Variants in MYO18B observed in about 807,000 individuals in gnomAD.
The protein encoded by MYO18B is unconventional myosin-XVIIIb.
A neutral mutation model predicts 273.0 loss-of-function variants in MYO18B; 204 were observed. That is an observed-to-expected ratio of 0.75 (90% CI 0.67 to 0.84). The LOEUF is 0.84. Among genes scored for constraint, MYO18B ranks in the 40% least tolerant of loss-of-function variants. The pLI is 0.00. For synonymous variants in MYO18B, 1,330 were observed against 1,305.7 expected (o/e 1.02, Z -0.40); for missense variants, 3,212 against 3,287.6 (o/e 0.98, Z 0.56).
chr22:26,022,061 G>A (rs1202837204), intron 42 of MYO18B, among the ~76,000 whole-genome samples: 1 of 152,060 alleles, frequency 6.6e-6, no homozygotes, highest in East Asian at 1.9e-4. Context: ...AGTCTCCAAG[G>A]CTTTTCTGGA....
intron 12 of MYO18B, among the ~76,000 whole-genome samples, chr22:25,804,082 C>T (rs982671339): frequency 1.3e-5 from 2 of 152,038 alleles, no homozygotes; most frequent in Admixed American, 1.3e-4. Context: ...AACAAAAACA[C>T]GCCAACACTG....
intron 12 of MYO18B, among the ~76,000 whole-genome samples, chr22:25,798,581 T>A (rs1569035290): frequency 6.6e-6 from 1 of 151,950 alleles, no homozygotes; most frequent in African/African-American, 2.4e-5. Flanking sequence ...AAATTTTCAT[T>A]GAGATAGGGT....
At chr22:26,043,762 C>G in the MYO18B span, among the ~76,000 whole-genome samples, 1 of 152,040 alleles carries the variant, frequency 6.6e-6, no homozygotes, top group Non-Finnish European at 1.5e-5. Flanking sequence ...GATCCACCTG[C>G]CTCGTTGGCC....
chr22:25,925,762 C>G (rs959186788), intron 34 of MYO18B, among the ~76,000 whole-genome samples: 7 of 151,030 alleles, frequency 4.6e-5, no homozygotes, highest in Non-Finnish European at 8.9e-5. Context: ...AAAATTAGCC[C>G]GGTGTGGTGG....
intron 36 of MYO18B, 138 bp from the exon 37 acceptor site, chr22:25,950,229 G>A (rs1352755838): frequency 4.5e-6 from 3 of 664,466 alleles, no homozygotes; most frequent in Non-Finnish European, 7.6e-6. Context: ...TAATTTTTGG[G>A]AAACAGCTAT....
rs1601679594 is a variant in MYO18B, at chr22:25,955,311, A to G, written c.6103A>G (p.Met2035Val). 2 of 1,613,722 alleles carry G rather than the reference A, an allele frequency of 1.2e-6. No homozygotes were observed. Among genetic ancestry groups the G allele is most frequent in the Middle Eastern group, 1.6e-4 (1 of 6,062 alleles). Residue 2035 changes from methionine to valine, a missense_variant, in exon 39 of 44, where the codon ATG becomes GTG. Met to Val is a conservative substitution (Grantham distance 21). Coordinates refer to ENST00000335473, the MANE Select transcript of MYO18B (RefSeq NM_032608.7). Reference protein sequence around the residue: ...QRRLEELKADMEELVQREAEA... With the variant: ...QRRLEELKADVEELVQREAEA... ...GCGCCTGGAAGAGCTGAAGGCCGAC[A>G]TGGAAGAGCTGGTGCAGCGGGAGGC...
At chr22:25,776,885 T>C (rs1303967225) in intron 7 of MYO18B, among the ~76,000 whole-genome samples, 2 of 144,850 alleles carry the variant, frequency 1.4e-5, no homozygotes, top group Non-Finnish European at 3.1e-5. Context: ...AGCATTCCCA[T>C]TGGCATTGTA....
At chr22:26,050,297 C>T in the MYO18B span, among the ~76,000 whole-genome samples, 5 of 152,156 alleles carry the variant, frequency 3.3e-5, no homozygotes, top group African/African-American at 4.8e-5. Context: ...GTATGTCGTG[C>T]AGGGTTCAGT....
At chr22:25,968,899 G>A (rs1168689415) in intron 39 of MYO18B, among the ~76,000 whole-genome samples, 1 of 152,184 alleles carries the variant, frequency 6.6e-6, no homozygotes, top group Non-Finnish European at 1.5e-5. Flanking sequence ...TGTCTCAAAT[G>A]GCTGATAGTC....
intron 42 of MYO18B, among the ~76,000 whole-genome samples, chr22:26,022,654 C>T (rs536399141): frequency 4.6e-5 from 7 of 152,310 alleles, no homozygotes; most frequent in South Asian, 2.1e-4. Flanking sequence ...GTCTACACTA[C>T]GTGGCTTGTA....
In MYO18B at chr22:25,780,195, C is replaced by A; in HGVS notation, c.2208C>A (p.Leu736=). 2 of 1,602,748 alleles carry A rather than the reference C, an allele frequency of 1.2e-6. No individual in the cohort carries two copies. Among genetic ancestry groups the A allele is most frequent in the East Asian group, 4.5e-5 (2 of 44,580 alleles). ...CAGGCCGCATCACAGCTGCTCAGCT[C>A]CAGGTGAGGCCTCTCGGGGGATGTG... is the stretch of plus-strand genomic sequence containing the variant. ...NATGRITAAQ[L]QTMLLEKSRV... The change falls in exon 9 of 44, where the codon CTC becomes CTA. Residue 736 remains leucine, a synonymous_variant. Transcript: ENST00000335473.
Position 25,952,426 on chromosome 22 carries a change from A to G in MYO18B, c.5970+3A>G, listed in dbSNP as rs944680398. The G allele has an allele frequency of 1.2e-6, 2 of 1,613,004 alleles. No homozygotes were observed. Among genetic ancestry groups the G allele is most frequent in the African/African-American group, 1.3e-5 (1 of 75,054 alleles). On this transcript the variant is annotated splice_donor_region_variant and intron_variant, in intron 38 of 43. Transcript: ENST00000335473. ...AGGTGCAGATTAAGAGATTTGAGGT[A>G]CGTAGTGATTCATAAATAGTGCCTG... is the stretch of plus-strand genomic sequence containing the variant.
At chr22:25,788,910 T>C (rs2087515719) in intron 11 of MYO18B, among the ~76,000 whole-genome samples, 1 of 152,148 alleles carries the variant, frequency 6.6e-6, no homozygotes, top group Non-Finnish European at 1.5e-5. Context: ...TGGGCCTCGA[T>C]TTTTTCCTTT....
At chr22:26,062,688 G>A in the MYO18B span, among the ~76,000 whole-genome samples, 1 of 152,070 alleles carries the variant, frequency 6.6e-6, no homozygotes. Context: ...AATATGCCTG[G>A]CTAATAGATG....
chr22:25,899,647 T>C (rs1426077263), intron 29 of MYO18B: 1 of 152,226 alleles, frequency 6.6e-6, no homozygotes, highest in Non-Finnish European at 1.5e-5. Flanking sequence ...AAAGATTTAT[T>C]TTTTGTTTAT....
intron 34 of MYO18B, among the ~76,000 whole-genome samples, chr22:25,935,843 C>G (rs1336548687): frequency 2.6e-5 from 4 of 152,186 alleles, no homozygotes; most frequent in African/African-American, 9.6e-5. Flanking sequence ...GGTTAGAGAC[C>G]TATGCATGGA....
chr22:25,808,648 T>C (rs1359342363), intron 12 of MYO18B, among the ~76,000 whole-genome samples: 2 of 152,074 alleles, frequency 1.3e-5, no homozygotes, highest in Non-Finnish European at 2.9e-5. Flanking sequence ...CTAAGCAGAA[T>C]TGAGGAGAGC....
chr22:25,890,125 A>G (rs2091616767), intron 25 of MYO18B, among the ~76,000 whole-genome samples: 1 of 152,258 alleles, frequency 6.6e-6, no homozygotes, highest in Non-Finnish European at 1.5e-5. Flanking sequence ...CTGTCCAGCC[A>G]TATTTTATAA....
chr22:25,936,659 G>T (rs2092582306), intron 34 of MYO18B, among the ~76,000 whole-genome samples: 1 of 152,148 alleles, frequency 6.6e-6, no homozygotes, highest in African/African-American at 2.4e-5. Context: ...ATTAAACTAG[G>T]TAGCTTCAGT....
Sources: allele counts gnomAD v4.1 joint callset (sites outside exome capture counted in the v4.1 genomes callset), GRCh38; gene constraint gnomAD v4.1.1; transcripts MANE v1.5; gene names NCBI Gene and HGNC (gene_info 2026-07-23, HGNC 2026-07-21).